The following LRBA variants were observed in gnomAD, a reference collection of about 807,000 sequenced individuals.
The protein encoded by LRBA is LPS responsive beige-like anchor protein.
A neutral mutation model predicts 330.0 loss-of-function variants in LRBA; 176 were observed. That is an observed-to-expected ratio of 0.53 (90% CI 0.47 to 0.60). The LOEUF is 0.60. Ranked by LOEUF, LRBA falls within the 20% of genes least tolerant of loss-of-function variation. The pLI, the probability that LRBA is intolerant of heterozygous loss-of-function variation, is 0.00. For synonymous variants in LRBA, 1,230 were observed against 1,193.0 expected (o/e 1.03, Z -0.64); for missense variants, 3,259 against 3,444.8 (o/e 0.95, Z 1.35).
chr4:150,800,502 C>T (rs981569993), intron 33 of LRBA, among the ~76,000 whole-genome samples: 5 of 152,136 alleles, frequency 3.3e-5, no homozygotes, highest in Non-Finnish European at 5.9e-5. Flanking sequence ...AAATTTTTGC[C>T]AATGGATGAC....
chr4:150,872,328 T>C (rs1239004973), intron 18 of LRBA, among the ~76,000 whole-genome samples: 1 of 152,152 alleles, frequency 6.6e-6, no homozygotes, highest in East Asian at 1.9e-4. Flanking sequence ...GTGACAAACA[T>C]CCAGGTTATG....
chr4:150,663,226 C>T (rs1379136607), intron 37 of LRBA, among the ~76,000 whole-genome samples: 4 of 151,972 alleles, frequency 2.6e-5, no homozygotes, highest in South Asian at 2.1e-4. Flanking sequence ...AGGGAACTAC[C>T]GTTTCAGAGA....
At chr4:150,661,469 CA>C (rs563120801) in intron 37 of LRBA, among the ~76,000 whole-genome samples, 954 of 65,004 alleles carry the variant, frequency 0.015, 1 homozygote, top group South Asian at 0.028. Context: ...GACTCTGTCT[CA>C]AAAAAAAAAA....
intron 36 of LRBA, among the ~76,000 whole-genome samples, chr4:150,709,711 C>T (rs1027982781): frequency 5.3e-5 from 8 of 151,716 alleles, no homozygotes; most frequent in Admixed American, 2.0e-4. Context: ...CACAAAAGAA[C>T]GAGGCAGGAA....
intron 36 of LRBA, among the ~76,000 whole-genome samples, chr4:150,728,792 G>A (rs1182092931): frequency 6.6e-6 from 1 of 152,066 alleles, no homozygotes; most frequent in African/African-American, 2.4e-5. Flanking sequence ...TCTGGAACAT[G>A]ACAAGAACAT....
chr4:150,653,126 T>G (rs1030956667), intron 37 of LRBA, among the ~76,000 whole-genome samples: 3 of 152,182 alleles, frequency 2.0e-5, no homozygotes. Flanking sequence ...GAGGATCGCT[T>G]GAGGCCAGGA....
Position 150,910,478 on chromosome 4 carries a change from G to A in LRBA, c.1162-1621C>T, listed in dbSNP as rs556740265. Among the ~76,000 whole-genome samples the A allele has an allele frequency of 9.9e-5, 15 of 152,212 alleles. No homozygotes were observed. In the South Asian group the frequency reaches 2.9e-3, roughly 29 times the overall value. ...CTCACTTGTCAAAGATCATTTGACC[G>A]TATATGCAAAAGTTTATTTCCGGAC... On this transcript the variant is annotated intron_variant, in intron 9 of 56. Coordinates refer to ENST00000651943, the MANE Select transcript of LRBA (RefSeq NM_001364905.1).
At chr4:150,531,307 C>A (rs1398671428) in intron 40 of LRBA, among the ~76,000 whole-genome samples, 1 of 152,108 alleles carries the variant, frequency 6.6e-6, no homozygotes, top group Non-Finnish European at 1.5e-5. Flanking sequence ...GCTGATTTTC[C>A]AGAAACACCA....
intron 35 of LRBA, among the ~76,000 whole-genome samples, chr4:150,736,606 A>C (rs1731211120): frequency 6.6e-6 from 1 of 152,186 alleles, no homozygotes; most frequent in Non-Finnish European, 1.5e-5. Context: ...CATATAGGAC[A>C]TGGTAAAAGA....
chr4:150,320,234 C>T (rs761111749), intron 50 of LRBA, among the ~76,000 whole-genome samples: 1 of 152,106 alleles, frequency 6.6e-6, no homozygotes, highest in Non-Finnish European at 1.5e-5. Flanking sequence ...AAGGCGAGCT[C>T]CCTGGGCTCA....
rs1756638629 is a variant in LRBA at position 150,475,783 on chromosome 4, A to T, written c.6552-4044T>A. ...GCCAGACATGGTGGCATGTGCCTGT[A>T]GTCTCAGCTACTCAGGAGGCTGAGA... is the stretch of plus-strand genomic sequence containing the variant. On this transcript the variant is annotated intron_variant, in intron 42 of 56. Transcript: ENST00000651943. 2.0e-5 allele frequency among the ~76,000 whole-genome samples: 3 copies of T among 152,048 alleles called. 1 individual carries two copies. In the South Asian group the frequency reaches 6.2e-4, roughly 32 times the overall value.
At chr4:150,934,834 C>A (rs1301666166) in intron 2 of LRBA, among the ~76,000 whole-genome samples, 2 of 152,092 alleles carry the variant, frequency 1.3e-5, no homozygotes, top group Non-Finnish European at 2.9e-5. Context: ...CACGGCGAAA[C>A]CCCGTCTCTA....
intron 40 of LRBA, among the ~76,000 whole-genome samples, chr4:150,529,545 A>G (rs879658305): frequency 6.6e-6 from 1 of 152,064 alleles, no homozygotes; most frequent in Non-Finnish European, 1.5e-5. Flanking sequence ...GTGAAACTCC[A>G]TTTCTACTAA....
chr4:150,891,958 G>A (rs1447161169), intron 17 of LRBA, among the ~76,000 whole-genome samples: 1 of 152,122 alleles, frequency 6.6e-6, no homozygotes, highest in African/African-American at 2.4e-5. Flanking sequence ...TGGGCATGGT[G>A]GCACACGCCT....
chr4:150,589,710 C>T (rs1384519341), intron 39 of LRBA, among the ~76,000 whole-genome samples: 27 of 152,108 alleles, frequency 1.8e-4, no homozygotes, highest in Admixed American at 1.8e-3. Context: ...AATCCTATTG[C>T]CATTGTCAAG....
intron 40 of LRBA, among the ~76,000 whole-genome samples, chr4:150,548,219 T>C (rs1291788243): frequency 6.6e-6 from 1 of 152,150 alleles, no homozygotes. Flanking sequence ...CTTCCCTCAA[T>C]CAGTTATCCT....
chr4:150,810,659 TG>T (rs1486719219), intron 31 of LRBA, among the ~76,000 whole-genome samples: 2 of 152,182 alleles, frequency 1.3e-5, no homozygotes, highest in East Asian at 1.9e-4. Flanking sequence ...TGGAGTGCAG[TG>T]GTGTGATCAG....
At position 150,524,385 on chromosome 4, in the gene LRBA, T is replaced by C. The variant is rs151112562; in HGVS notation, c.6331-33350A>G. 5.9e-5 allele frequency among the ~76,000 whole-genome samples: 9 copies of C among 152,310 alleles called. No homozygotes were observed. In the East Asian group the frequency reaches 1.5e-3, roughly 26 times the overall value. On this transcript the variant is annotated intron_variant, in intron 40 of 56. Transcript: ENST00000651943. ...TTCACCATAATTTTACCTTAATAAA[T>C]GTGAACAGAAGAGTGGAGACAGGGT... is the stretch of plus-strand genomic sequence containing the variant.
intron 40 of LRBA, chr4:150,580,071 AGGCGCGAACTCCGAG>A (rs1215982730): frequency 6.5e-5 from 15 of 230,136 alleles, no homozygotes; most frequent in African/African-American, 2.1e-4. Flanking sequence ...GGGCTCCCAC[AGGCGCGAACTCCGAG>A]GGCGCGAGGT....
Sources: allele counts gnomAD v4.1 joint callset (sites outside exome capture counted in the v4.1 genomes callset), GRCh38; gene constraint gnomAD v4.1.1; transcripts MANE v1.5; gene names NCBI Gene and HGNC (gene_info 2026-07-23, HGNC 2026-07-21).